The following NET1 variants were observed in gnomAD, a reference collection of about 807,000 sequenced individuals.
The protein encoded by NET1 is neuroepithelial cell-transforming gene 1 protein.
In NET1, 42 loss-of-function variants were observed where a neutral mutation model predicts 61.1. The ratio of observed to expected loss-of-function variants is 0.69; its 90% confidence interval spans 0.54 to 0.89. The LOEUF (loss-of-function observed/expected upper bound fraction) is 0.89. Ranked by LOEUF, NET1 falls within the 40% of genes least tolerant of loss-of-function variation. The probability of loss-of-function intolerance (pLI) is 0.00; values close to 1 mark genes in which losing one functional copy is unlikely to be tolerated. For synonymous variants in NET1, 254 were observed against 281.8 expected (o/e 0.90, Z 0.99); for missense variants, 654 against 747.3 (o/e 0.88, Z 1.46).
chr10:5,456,143 G>T lies in NET1; in HGVS notation c.1254G>T (p.Arg418=). Residue 418 remains arginine (R), a synonymous_variant, in exon 11 of 12, where the codon CGG becomes CGT. Coordinates refer to ENST00000355029, the MANE Select transcript of NET1 (RefSeq NM_001047160.3). The surrounding 1 kb of genome is among the most constrained non-coding windows in gnomAD (Gnocchi z 7.0). The stretch of plus-strand genomic sequence containing the variant: ...TGGTTCTGACTCGGCCCGTCACACG[G>T]AACGAACGGCACTCTTACCAGGTTT... The part of the protein sequence containing the change: ...DILVLTRPVT[R]NERHSYQVYR... 2 of 1,614,148 alleles carry T rather than the reference G, an allele frequency of 1.2e-6. No homozygotes were observed. The highest frequency in any genetic ancestry group is 1.7e-6 in the Non-Finnish European group (2 of 1,180,026).
rs1173650105 is a variant in NET1 at position 5,457,572 on chromosome 10, A to C, written c.*578A>C. 1 of 152,588 alleles carries C rather than the reference A, an allele frequency of 6.6e-6. No homozygotes were observed. Among genetic ancestry groups the C allele is most frequent in the Non-Finnish European group, 1.5e-5 (1 of 68,018 alleles). The allele number at this position is 152,588 out of a possible 1,614,324, so 9.5% of individuals were successfully genotyped here. On this transcript the variant is annotated 3_prime_UTR_variant, in exon 12 of 12. Coordinates refer to ENST00000355029, the MANE Select transcript of NET1 (RefSeq NM_001047160.3). This position sits in a 1 kb window ranked among gnomAD's most constrained non-coding sequence, Gnocchi z 5.4. ...TTTTTCACTGTACATTCCTCATTTT[A>C]CATTCATTTAACCTGCCGATTATTT... is the stretch of plus-strand genomic sequence containing the variant.
In NET1 at chr10:5,431,163, G is replaced by A. The variant is rs546808544; in HGVS notation, c.255+1934G>A. 1.7e-4 allele frequency among the ~76,000 whole-genome samples: 26 copies of A among 152,306 alleles called. No homozygotes were observed. The highest frequency in any genetic ancestry group is 4.1e-4 in the African/African-American group (17 of 41,566). On this transcript the variant is annotated intron_variant, in intron 3 of 11. Transcript: ENST00000355029. This position sits in a 1 kb window ranked among gnomAD's most constrained non-coding sequence, Gnocchi z 4.9. ...TGGGATTACAGGCGTGAGCCACCGC[G>A]CCCGGCCTTAACTATATCTCTTAAG...
rs1832089021 is a variant in NET1 at position 5,416,805 on chromosome 10, A to G, written c.128+3985A>G. Among the ~76,000 whole-genome samples the G allele has an allele frequency of 6.6e-6, 1 of 152,100 alleles. No homozygotes were observed. Among genetic ancestry groups the G allele is most frequent in the South Asian group, 2.1e-4 (1 of 4,824 alleles). ...AGGCAGGCTGTGGGGCTCCAACCCC[A>G]TAGCCATGTCTATGGGTGAATGTTT... On this transcript the variant is annotated intron_variant, in intron 1 of 11. Transcript: ENST00000355029. This position sits in a 1 kb window ranked among gnomAD's most constrained non-coding sequence, Gnocchi z 6.1.
At position 5,444,054 on chromosome 10, in the gene NET1, G is replaced by A. The variant is rs1305482419; in HGVS notation, c.256-7776G>A. On this transcript the variant is annotated intron_variant, in intron 3 of 11. Transcript: ENST00000355029. The surrounding 1 kb of genome is among the most constrained non-coding windows in gnomAD (Gnocchi z 5.3). ...AGCCTAGGCTGTTCATATTAGCTCTGAGAATGTAGGTAGATCACTGTTCTT... is the reference window on the plus strand; with the variant it reads ...AGCCTAGGCTGTTCATATTAGCTCTAAGAATGTAGGTAGATCACTGTTCTT... Among the ~76,000 whole-genome samples the A allele has an allele frequency of 2.0e-5, 3 of 152,232 alleles. No individual in the cohort carries two copies. Among genetic ancestry groups the A allele is most frequent in the Non-Finnish European group, 4.4e-5 (3 of 68,044 alleles).
Position 5,437,794 on chromosome 10 carries a change from G to A in NET1, c.255+8565G>A, listed in dbSNP as rs964691619. Among the ~76,000 whole-genome samples the A allele has an allele frequency of 1.3e-5, 2 of 152,006 alleles. No homozygotes were observed. The highest frequency in any genetic ancestry group is 4.8e-5 in the African/African-American group (2 of 41,374). On this transcript the variant is annotated intron_variant, in intron 3 of 11. Transcript: ENST00000355029. This position sits in a 1 kb window ranked among gnomAD's most constrained non-coding sequence, Gnocchi z 4.3. Reference sequence around the variant, plus strand: ...ATACAGAGCCCTTCACCCAACAACAGTAGATTATACATTTTTCTCAAGTGC... The same window carrying A: ...ATACAGAGCCCTTCACCCAACAACAATAGATTATACATTTTTCTCAAGTGC...
rs1832277913 is a variant in NET1, at chr10:5,427,625, AT to A, written c.195+905del. Among the ~76,000 whole-genome samples, 2 of 152,192 alleles carry A rather than the reference AT, an allele frequency of 1.3e-5. No homozygotes were observed. Among genetic ancestry groups the A allele is most frequent in the Non-Finnish European group, 2.9e-5 (2 of 68,024 alleles). On this transcript the variant is annotated intron_variant, in intron 2 of 11. Coordinates refer to ENST00000355029, the MANE Select transcript of NET1 (RefSeq NM_001047160.3). The surrounding 1 kb of genome is among the most constrained non-coding windows in gnomAD (Gnocchi z 4.1). ...TCATAATTTTCTGTATCTTCTGGGT[AT>A]GACCTTGGGATCAGTAAAATATTTC... is the stretch of plus-strand genomic sequence containing the variant.
intron 3 of NET1, among the ~76,000 whole-genome samples, chr10:5,438,657 A>G (rs899813247): frequency 3.3e-5 from 5 of 152,240 alleles, no homozygotes; most frequent in Non-Finnish European, 1.5e-5. Flanking sequence ...TCTACCAAAC[A>G]TTTAGAAAAG....
Position 5,447,821 on chromosome 10 carries a change from G to A in NET1, c.256-4009G>A, listed in dbSNP as rs4881452. Among the ~76,000 whole-genome samples, 107,111 of 151,564 alleles carry A rather than the reference G, an allele frequency of 0.71. 38,072 individuals carry two copies. Among genetic ancestry groups the A allele is most frequent in the East Asian group, 0.82 (4,230 of 5,142 alleles). ...CTATGTGTCGGTTTTCTCAAAATGT[G>A]TAAGTATTTCCTTTGAGTAGAGCAG... On this transcript the variant is annotated intron_variant, in intron 3 of 11. Transcript: ENST00000355029. This position sits in a 1 kb window ranked among gnomAD's most constrained non-coding sequence, Gnocchi z 4.1.
Position 5,435,709 on chromosome 10 carries a change from T to A in NET1, c.255+6480T>A, listed in dbSNP as rs914550993. Among the ~76,000 whole-genome samples, 2 of 152,036 alleles carry A rather than the reference T, an allele frequency of 1.3e-5. No homozygotes were observed. Among genetic ancestry groups the A allele is most frequent in the African/African-American group, 4.8e-5 (2 of 41,296 alleles). ...GACTTTGGATATCTTATATGAAGAA[T>A]TTAATTCTGATGTCAATTGAATTTT... On this transcript the variant is annotated intron_variant, in intron 3 of 11. Transcript: ENST00000355029. The surrounding 1 kb of genome is among the most constrained non-coding windows in gnomAD (Gnocchi z 5.0).
rs952648383 is a variant in NET1 at position 5,455,219 on chromosome 10, A to G, written c.1197+101A>G. The G allele has an allele frequency of 1.7e-5, 19 of 1,146,490 alleles. No homozygotes were observed. The highest frequency in any genetic ancestry group is 4.8e-5 in the East Asian group (2 of 41,570). 71.0% of individuals were successfully genotyped at this position (1,146,490 alleles called of 1,614,324 possible). A position where few individuals can be genotyped will look rare whatever the true frequency, so the allele number is the denominator to read the frequency against. ...AGGCTTGTAAAGGGAAAGTCATGAC[A>G]TAGTAAAAGAAGGTTGCCAATTTTA... On this transcript the variant is annotated intron_variant, in intron 10 of 11. Transcript: ENST00000355029. The surrounding 1 kb of genome is among the most constrained non-coding windows in gnomAD (Gnocchi z 6.5).
intron 3 of NET1, among the ~76,000 whole-genome samples, chr10:5,434,145 T>A (rs1384889758): frequency 6.6e-6 from 1 of 152,214 alleles, no homozygotes; most frequent in African/African-American, 2.4e-5. Context: ...GTTTCCTGTA[T>A]GGTGAGAGGA....
In NET1 at chr10:5,441,120, A is replaced by C. The variant is rs1176272149; in HGVS notation, c.256-10710A>C. Among the ~76,000 whole-genome samples the C allele has an allele frequency of 6.6e-6, 1 of 152,176 alleles. No individual in the cohort carries two copies. The highest frequency in any genetic ancestry group is 1.5e-5 in the Non-Finnish European group (1 of 68,014). On this transcript the variant is annotated intron_variant, in intron 3 of 11. Transcript: ENST00000355029. This position sits in a 1 kb window ranked among gnomAD's most constrained non-coding sequence, Gnocchi z 4.6. Reference sequence around the variant, plus strand: ...GGTAGATCTCTCTGGAACCCTCTGAAGAGCTGTGTAAAACACACCACAGAC... The same window carrying C: ...GGTAGATCTCTCTGGAACCCTCTGACGAGCTGTGTAAAACACACCACAGAC...
At chr10:5,414,652 A>G (rs897088396) in intron 1 of NET1, among the ~76,000 whole-genome samples, 3 of 152,186 alleles carry the variant, frequency 2.0e-5, no homozygotes, top group African/African-American at 4.8e-5. Flanking sequence ...AAATAACACA[A>G]TTTTGTGGGA....
chr10:5,420,801 G>A lies in NET1; in HGVS notation c.129-5854G>A, dbSNP rs192499465. ...AGTAGAGACGGGGTTTCACCATGTTGGCCAGGATGGTTTTGATCTCCTGAC... is the reference window on the plus strand; with the variant it reads ...AGTAGAGACGGGGTTTCACCATGTTAGCCAGGATGGTTTTGATCTCCTGAC... On this transcript the variant is annotated intron_variant, in intron 1 of 11. Transcript: ENST00000355029. This position sits in a 1 kb window ranked among gnomAD's most constrained non-coding sequence, Gnocchi z 5.3. Among the ~76,000 whole-genome samples, 30 of 152,044 alleles carry A rather than the reference G, an allele frequency of 2.0e-4. No individual in the cohort carries two copies. Among genetic ancestry groups the A allele is most frequent in the Non-Finnish European group, 3.2e-4 (22 of 67,982 alleles).
intron 1 of NET1, among the ~76,000 whole-genome samples, chr10:5,413,039 G>A (rs1337363332): frequency 1.5e-5 from 2 of 132,542 alleles, no homozygotes; most frequent in Admixed American, 7.3e-5. Context: ...GCGGGGTTGG[G>A]GGGGGGGACG....
In NET1 at chr10:5,446,572, C is replaced by T. The variant is rs1432722948; in HGVS notation, c.256-5258C>T. 1 of 1,176,672 alleles carries T rather than the reference C, an allele frequency of 8.5e-7. No individual in the cohort carries two copies. Among genetic ancestry groups the T allele is most frequent in the Non-Finnish European group, 1.0e-6 (1 of 952,702 alleles). 72.9% of individuals were successfully genotyped at this position (1,176,672 alleles called of 1,614,324 possible). A position where few individuals can be genotyped will look rare whatever the true frequency, so the allele number is the denominator to read the frequency against. ...GCCCGGTTGGCTGTGGCCCCGCCCC[C>T]GAGCCCTGGGGTCGGTGCTTGCTGC... On this transcript the variant is annotated intron_variant, in intron 3 of 11. Transcript: ENST00000355029. The surrounding 1 kb of genome is among the most constrained non-coding windows in gnomAD (Gnocchi z 5.0).
intron 3 of NET1, among the ~76,000 whole-genome samples, chr10:5,436,246 ATATTTTTTTT>A (rs1832435758): frequency 2.9e-5 from 1 of 34,138 alleles, no homozygotes; most frequent in African/African-American, 1.4e-4. Flanking sequence ...ATATATATAT[ATATTTTTTTT>A]TTTTTTTTTT....
Position 5,447,178 on chromosome 10 carries a change from C to T in NET1, c.256-4652C>T, listed in dbSNP as rs1472071844. 6.6e-6 allele frequency among the ~76,000 whole-genome samples: 1 copy of T among 152,168 alleles called. No homozygotes were observed. The highest frequency in any genetic ancestry group is 1.5e-5 in the Non-Finnish European group (1 of 68,028). On this transcript the variant is annotated intron_variant, in intron 3 of 11. Transcript: ENST00000355029. The surrounding 1 kb of genome is among the most constrained non-coding windows in gnomAD (Gnocchi z 4.1). Reference sequence around the variant, plus strand: ...TTTTTTTAACTTGAATTGATATCATCCAGTCTTAGAAACTACCTTAATGGA... The same window carrying T: ...TTTTTTTAACTTGAATTGATATCATTCAGTCTTAGAAACTACCTTAATGGA...
rs1183054777 is a variant in NET1 at position 5,458,717 on chromosome 10, GGTA to G, written c.*1729_*1731del. On this transcript the variant is annotated 3_prime_UTR_variant, in exon 12 of 12. Transcript: ENST00000355029. The surrounding 1 kb of genome is among the most constrained non-coding windows in gnomAD (Gnocchi z 4.5). The stretch of plus-strand genomic sequence containing the variant: ...GTTACTTTCTGGATAGGATAGTAAG[GGTA>G]GTAGTGGCAAAGGATCCTGATTAAT... Among the ~76,000 whole-genome samples, 1 of 152,120 alleles carries G rather than the reference GGTA, an allele frequency of 6.6e-6. No individual in the cohort carries two copies. The highest frequency in any genetic ancestry group is 1.5e-5 in the Non-Finnish European group (1 of 68,028).
Sources: gnomAD v4.1 joint callset for allele counts (sites outside exome capture counted in the v4.1 genomes callset) on GRCh38, gnomAD v4.1.1 for gene constraint, Gnocchi (gnomAD v3.1) non-coding constraint, MANE v1.5 for transcripts, NCBI Gene and HGNC (gene_info 2026-07-23, HGNC 2026-07-21) for gene names.